SDK1: variants seen among roughly 807,000 people sequenced by gnomAD.
SDK1 encodes protein sidekick-1.
A neutral mutation model predicts 245.5 loss-of-function variants in SDK1; 157 were observed. That is an observed-to-expected ratio of 0.64 (90% confidence interval 0.56 to 0.73). SDK1 has a LOEUF of 0.73. SDK1 is among the 30% of genes least tolerant of loss of function. The pLI is 0.00. For missense variants in SDK1, 3,583 were observed against 3,002.3 expected (o/e 1.19, Z -4.52); for synonymous variants, 1,647 against 1,278.5 (o/e 1.29, Z -6.15).
chr7:3,680,252 G>A (rs370373100), intron 4 of SDK1, among the ~76,000 whole-genome samples: 14 of 152,250 alleles, frequency 9.2e-5, no homozygotes, highest in South Asian at 4.1e-4. Context: ...ACTCAATTAC[G>A]GAGATGGAGA....
chr7:4,020,142 C>T (rs1021353865), intron 17 of SDK1, among the ~76,000 whole-genome samples: 2 of 152,124 alleles, frequency 1.3e-5, no homozygotes, highest in Admixed American at 6.5e-5. Flanking sequence ...CCCACCTGAC[C>T]CTTCTTTGTT....
rs140011975 is a variant in SDK1, at chr7:3,841,888, A to G, written c.847+20305A>G. Among the ~76,000 whole-genome samples, 3 of 152,286 alleles carry G rather than the reference A, an allele frequency of 2.0e-5. No homozygotes were observed. In the East Asian group the frequency reaches 5.8e-4, roughly 29 times the overall value. ...TTATCAGATTCTCCAAGTCATAAGG[A>G]TGGCCAGATGCAAGACCGACCCATT... On this transcript the variant is annotated intron_variant, in intron 5 of 44. Transcript: ENST00000404826.
intron 5 of SDK1, among the ~76,000 whole-genome samples, chr7:3,863,160 C>A (rs188796113): frequency 1.3e-5 from 2 of 152,284 alleles, no homozygotes; most frequent in Admixed American, 1.3e-4. Context: ...CCATTCACTT[C>A]TGTTCCAGGC....
At position 3,453,360 on chromosome 7, in the gene SDK1, G is replaced by T. The variant is rs117886106; in HGVS notation, c.298+151476G>T. Among the ~76,000 whole-genome samples the T allele has an allele frequency of 9.8e-3, 1,487 of 152,310 alleles. 14 individuals are homozygous for T. Among genetic ancestry groups the T allele is most frequent in the Middle Eastern group, 0.031 (9 of 294 alleles). ...CAAATAATGTTATTCCTCACATTTG[G>T]TATCCACATCAAATCCCTGGAACCT... On this transcript the variant is annotated intron_variant, in intron 1 of 44. Transcript: ENST00000404826.
intron 1 of SDK1, among the ~76,000 whole-genome samples, chr7:3,408,763 T>G (rs1421955221): frequency 1.3e-5 from 2 of 152,216 alleles, no homozygotes; most frequent in African/African-American, 4.8e-5. Flanking sequence ...CAATATGCAG[T>G]TTGGAATCCT....
intron 1 of SDK1, among the ~76,000 whole-genome samples, chr7:3,525,842 T>C (rs969278029): frequency 1.3e-5 from 2 of 152,230 alleles, no homozygotes; most frequent in African/African-American, 4.8e-5. Context: ...TAATTTGTCT[T>C]ATTTAATTTT....
At chr7:3,556,249 A>T (rs1779584588) in intron 1 of SDK1, among the ~76,000 whole-genome samples, 1 of 152,158 alleles carries the variant, frequency 6.6e-6, no homozygotes, top group Non-Finnish European at 1.5e-5. Flanking sequence ...GAAAAATGAG[A>T]TCCTGTCATT....
chr7:3,528,601 A>G (rs1288374526), intron 1 of SDK1, among the ~76,000 whole-genome samples: 1 of 152,124 alleles, frequency 6.6e-6, no homozygotes, highest in Non-Finnish European at 1.5e-5. Flanking sequence ...GAGATCACGT[A>G]GGAGATTCTC....
chr7:3,672,790 TA>T (rs1196528062), intron 4 of SDK1, among the ~76,000 whole-genome samples: 1 of 100,788 alleles, frequency 9.9e-6, no homozygotes, highest in Non-Finnish European at 2.0e-5. Context: ...TATATATATA[TA>T]TATAAAAAAT....
intron 1 of SDK1, among the ~76,000 whole-genome samples, chr7:3,375,620 G>C (rs1463827877): frequency 6.6e-6 from 1 of 152,142 alleles, no homozygotes; most frequent in Non-Finnish European, 1.5e-5. Flanking sequence ...TGGGGGAGCT[G>C]GCTACCTTTC....
At chr7:4,111,243 C>T (rs1331702474) in intron 23 of SDK1, among the ~76,000 whole-genome samples, 4 of 152,196 alleles carry the variant, frequency 2.6e-5, no homozygotes, top group Admixed American at 2.0e-4. Context: ...CCTTTAGCTT[C>T]TTGAACCCCG....
At chr7:3,315,298 C>A (rs1049086738) in intron 1 of SDK1, among the ~76,000 whole-genome samples, 17 of 152,150 alleles carry the variant, frequency 1.1e-4, no homozygotes, top group African/African-American at 3.9e-4. Context: ...CTAAGGCCTT[C>A]AAGTTATACA....
At chr7:3,910,806 A>G (rs762550471) in intron 5 of SDK1, among the ~76,000 whole-genome samples, 13 of 152,210 alleles carry the variant, frequency 8.5e-5, no homozygotes, top group South Asian at 2.1e-4. Context: ...CTCGTGATCA[A>G]TTATCCAGAA....
rs139993967 is a variant in SDK1, at chr7:3,824,536, A to G, written c.847+2953A>G. On this transcript the variant is annotated intron_variant, in intron 5 of 44. Transcript: ENST00000404826. ...CCGCCTCTTGTTTGCTGTTGTGGTAATAATCCGTTCCTTCCTTGAGGACAG... is the reference window on the plus strand; with the variant it reads ...CCGCCTCTTGTTTGCTGTTGTGGTAGTAATCCGTTCCTTCCTTGAGGACAG... 3.3e-3 allele frequency among the ~76,000 whole-genome samples: 509 copies of G among 152,242 alleles called. 4 individuals carry two copies. The highest frequency in any genetic ancestry group is 0.011 in the African/African-American group (477 of 41,524).
intron 22 of SDK1, among the ~76,000 whole-genome samples, chr7:4,092,888 A>T (rs1584104512): frequency 6.6e-6 from 1 of 152,172 alleles, no homozygotes; most frequent in East Asian, 1.9e-4. Flanking sequence ...TCCCACCACA[A>T]CACTCTCTGC....
intron 14 of SDK1, among the ~76,000 whole-genome samples, chr7:3,991,381 C>T (rs995625132): frequency 2.0e-5 from 3 of 152,156 alleles, no homozygotes; most frequent in African/African-American, 4.8e-5. Context: ...GCAGAAATGG[C>T]TTTTCCCTCC....
intron 4 of SDK1, among the ~76,000 whole-genome samples, chr7:3,811,414 C>G (rs575838170): frequency 1.2e-4 from 19 of 152,332 alleles, no homozygotes; most frequent in Admixed American, 2.6e-4. Flanking sequence ...AGTGAGGTGT[C>G]TTCTCTGCAG....
chr7:3,907,453 C>G (rs905782006), intron 5 of SDK1, among the ~76,000 whole-genome samples: 1 of 152,156 alleles, frequency 6.6e-6, no homozygotes, highest in Non-Finnish European at 1.5e-5. Flanking sequence ...AAACTCATTG[C>G]TTTTTGTGGC....
At chr7:3,877,383 G>A (rs1357531875) in intron 5 of SDK1, among the ~76,000 whole-genome samples, 2 of 152,188 alleles carry the variant, frequency 1.3e-5, no homozygotes, top group African/African-American at 4.8e-5. Context: ...GAAAGTAGCT[G>A]CTATGACATT....
Sources: gnomAD v4.1 joint callset for allele counts (sites outside exome capture counted in the v4.1 genomes callset) on GRCh38, gnomAD v4.1.1 for gene constraint, MANE v1.5 for transcripts, NCBI Gene and HGNC (gene_info 2026-07-23, HGNC 2026-07-21) for gene names.